PTPN2: variants seen among roughly 807,000 people sequenced by gnomAD.
PTPN2 encodes protein tyrosine phosphatase non-receptor type 2.
Under a neutral mutation model 57.3 loss-of-function variants are expected in PTPN2, and 19 were observed. The ratio of observed to expected loss-of-function variants is 0.33; its 90% CI spans 0.23 to 0.49. The LOEUF (loss-of-function observed/expected upper bound fraction) is 0.49, where lower values mean the gene tolerates loss of function less well. Among genes scored for constraint, PTPN2 ranks in the 20% least tolerant of loss-of-function variants. The pLI is 0.99. For synonymous variants in PTPN2, 153 were observed against 164.9 expected (o/e 0.93, Z 0.55); for missense variants, 358 against 501.1 (o/e 0.71, Z 2.73).
chr18:12,842,064 G>A (rs1206153572), intron 2 of PTPN2, among the ~76,000 whole-genome samples: 3 of 152,046 alleles, frequency 2.0e-5, no homozygotes, highest in Non-Finnish European at 2.9e-5. Flanking sequence ...GTGCCACCAC[G>A]CCCAGCTAAT....
At position 12,850,946 on chromosome 18, in the gene PTPN2, G is replaced by A. The variant is rs182306799; in HGVS notation, c.160+8218C>T. On this transcript the variant is annotated intron_variant, in intron 2 of 8. Transcript: ENST00000309660. Reference sequence around the variant, plus strand: ...GTAGAGACGAGGTTTCTCCATGTTGGTCAGGCTGGTCTCAAACTCCCGACC... The same window carrying A: ...GTAGAGACGAGGTTTCTCCATGTTGATCAGGCTGGTCTCAAACTCCCGACC... Among the ~76,000 whole-genome samples, 546 of 152,130 alleles carry A rather than the reference G, an allele frequency of 3.6e-3. 3 individuals are homozygous for A. The highest frequency in any genetic ancestry group is 6.8e-3 in the Middle Eastern group (2 of 294).
Position 12,814,235 on chromosome 18 carries a change from C to T in PTPN2, c.826G>A (p.Ala276Thr), listed in dbSNP as rs1207461588. The T allele has an allele frequency of 1.9e-6, 3 of 1,600,886 alleles. No homozygotes were observed. Among genetic ancestry groups the T allele is most frequent in the African/African-American group, 2.7e-5 (2 of 74,486 alleles). Residue 276 changes from alanine to threonine, a missense_variant, in exon 7 of 9, where the codon GCA becomes ACA. By Grantham distance (58) the Ala-to-Thr change is moderately conservative. Transcript: ENST00000309660. ...CTAGAATCTCCCTTTATACATTTTGCTCCTTCTATTATAGCCATGTATGAG... is the reference window on the plus strand; with the variant it reads ...CTAGAATCTCCCTTTATACATTTTGTTCCTTCTATTATAGCCATGTATGAG... ...RFSYMAIIEG[A>T]KCIKGDSSIQ...
intron 1 of PTPN2, among the ~76,000 whole-genome samples, chr18:12,878,939 T>C (rs2044581428): frequency 1.3e-5 from 2 of 152,188 alleles, no homozygotes; most frequent in African/African-American, 4.8e-5. Context: ...CTTTTGCGAT[T>C]CCCCAGTTTT....
At chr18:12,820,834 G>C (rs2042248013) in intron 5 of PTPN2, among the ~76,000 whole-genome samples, 1 of 152,184 alleles carries the variant, frequency 6.6e-6, no homozygotes, top group South Asian at 2.1e-4. Flanking sequence ...TCAGTGGCTT[G>C]CTGTTCTAAG....
chr18:12,811,501 T>C (rs1486921213), intron 7 of PTPN2, among the ~76,000 whole-genome samples: 1 of 152,074 alleles, frequency 6.6e-6, no homozygotes, highest in Non-Finnish European at 1.5e-5. Context: ...AAAAGAGATA[T>C]TTAATGCTAG....
At chr18:12,823,235 CATT>C (rs938067337) in intron 5 of PTPN2, among the ~76,000 whole-genome samples, 2 of 152,064 alleles carry the variant, frequency 1.3e-5, no homozygotes, top group African/African-American at 4.8e-5. Flanking sequence ...GTGATCATGT[CATT>C]ATACCACACA....
Position 12,794,053 on chromosome 18 carries a change from G to A in PTPN2, c.*225C>T. On this transcript the variant is annotated 3_prime_UTR_variant, in exon 9 of 9. Coordinates refer to ENST00000309660, the MANE Select transcript of PTPN2 (RefSeq NM_002828.4). The stretch of plus-strand genomic sequence containing the variant: ...AAATTTACCAGTTTTTAACAAACAT[G>A]AATGTCTTTATTTTAGACAGCCATT... 7.1e-7 allele frequency: 1 copy of A among 1,402,994 alleles called. No homozygotes were observed. The highest frequency in any genetic ancestry group is 9.2e-7 in the Non-Finnish European group (1 of 1,084,048). 86.9% of individuals were successfully genotyped at this position (1,402,994 alleles called of 1,614,324 possible). A position where few individuals can be genotyped will look rare whatever the true frequency, so the allele number is the denominator to read the frequency against.
At chr18:12,823,633 C>CCACT (rs879533837) in intron 5 of PTPN2, among the ~76,000 whole-genome samples, 11 of 152,122 alleles carry the variant, frequency 7.2e-5, no homozygotes, top group Non-Finnish European at 1.5e-4. Flanking sequence ...CAAGATCATG[C>CCACT]CACTGCACTC....
intron 8 of PTPN2, among the ~76,000 whole-genome samples, chr18:12,796,296 A>T (rs186128839): frequency 6.6e-6 from 1 of 152,298 alleles, no homozygotes; most frequent in Non-Finnish European, 1.5e-5. Context: ...CTAAAATTAG[A>T]TCGTGGTGCC....
intron 5 of PTPN2, among the ~76,000 whole-genome samples, chr18:12,818,753 C>T (rs1227383684): frequency 6.6e-6 from 1 of 151,718 alleles, no homozygotes. Flanking sequence ...TAATATCCTG[C>T]TCCCAATAAA....
At chr18:12,823,313 C>T (rs903106557) in intron 5 of PTPN2, among the ~76,000 whole-genome samples, 1 of 152,144 alleles carries the variant, frequency 6.6e-6, no homozygotes, top group Non-Finnish European at 1.5e-5. Context: ...CAGAAAGATG[C>T]TTCAGAATCA....
chr18:12,814,156 T>C, intron 7 of PTPN2, 47 bp downstream of exon 7: 1 of 1,348,412 alleles, frequency 7.4e-7, no homozygotes, highest in African/African-American at 1.5e-5. Flanking sequence ...TTTGATGCTA[T>C]GTGTATTTAA....
chr18:12,840,606 A>C (rs557896522), intron 2 of PTPN2: 1 of 1,264,792 alleles, frequency 7.9e-7, no homozygotes, highest in South Asian at 1.3e-5. Context: ...GTGCATATGA[A>C]TATGGATCAC....
chr18:12,827,367 T>A (rs1458097562), intron 4 of PTPN2, among the ~76,000 whole-genome samples: 14 of 146,890 alleles, frequency 9.5e-5, no homozygotes, highest in African/African-American at 3.5e-4. Flanking sequence ...ATAATAATAA[T>A]AATAATGCCT....
chr18:12,835,660 G>A (rs1054653659), intron 3 of PTPN2, among the ~76,000 whole-genome samples: 11 of 152,138 alleles, frequency 7.2e-5, no homozygotes, highest in African/African-American at 2.7e-4. Context: ...ACAGGTGTGA[G>A]CCTCCGCGCC....
At chr18:12,785,676 G>T in exon 10 of PTPN2, 1 of 724,648 alleles carries the variant, frequency 1.4e-6, no homozygotes, top group Non-Finnish European at 2.4e-6. Context: ...TCCCCTGGAT[G>T]TAAAGTTTAC....
intron 1 of PTPN2, among the ~76,000 whole-genome samples, chr18:12,875,807 G>A (rs577274028): frequency 1.3e-5 from 2 of 152,332 alleles, no homozygotes; most frequent in African/African-American, 4.8e-5. Flanking sequence ...CAGGTAAGAG[G>A]ACAAAGACAA....
At chr18:12,828,196 C>A (rs2042545311) in intron 4 of PTPN2, among the ~76,000 whole-genome samples, 9 of 152,176 alleles carry the variant, frequency 5.9e-5, no homozygotes, top group Admixed American at 3.9e-4. Context: ...ATTAAGACAG[C>A]AGATGAACCA....
chr18:12,870,428 TA>T (rs2044202143), intron 1 of PTPN2, among the ~76,000 whole-genome samples: 1 of 38,356 alleles, frequency 2.6e-5, no homozygotes, highest in Non-Finnish European at 3.8e-5. Context: ...TATATATACG[TA>T]TATATATATG....
Sources: allele counts gnomAD v4.1 joint callset (sites outside exome capture counted in the v4.1 genomes callset), GRCh38; gene constraint gnomAD v4.1.1; transcripts MANE v1.5; gene names NCBI Gene and HGNC (gene_info 2026-07-23, HGNC 2026-07-21).